The following LAMB3 variants were observed in gnomAD, a reference collection of about 807,000 sequenced individuals.
LAMB3 encodes laminin subunit beta-3.
LAMB3 carries 104 observed loss-of-function variants against 140.3 expected under a neutral mutation model. That is an observed-to-expected ratio of 0.74 (90% confidence interval 0.63 to 0.87). The LOEUF (loss-of-function observed/expected upper bound fraction) is 0.87, where lower values mean the gene tolerates loss of function less well. LAMB3 is among the 40% of genes least tolerant of loss of function. LAMB3 has a pLI of 0.00. For synonymous variants in LAMB3, 592 were observed against 602.9 expected (o/e 0.98, Z 0.26); for missense variants, 1,531 against 1,575.2 (o/e 0.97, Z 0.47).
chr1:209,616,474 T>C lies in LAMB3; in HGVS notation c.3379A>G (p.Lys1127Glu), dbSNP rs2102403255. ...TGCCCCTAAACCATTCCCTCACCTTTCATCCTGTCCATCATCTCCATGGTC... is the reference window on the plus strand; with the variant it reads ...TGCCCCTAAACCATTCCCTCACCTTCCATCCTGTCCATCATCTCCATGGTC... Reference protein sequence around the residue: ...GETMEMMDRMKDMELELLRGS... With the variant: ...GETMEMMDRMEDMELELLRGS... The change falls in exon 22 of 23, where the codon AAA becomes GAA. Residue 1127 changes from lysine (K) to glutamate (E), a missense_variant. Transcript: ENST00000356082. 1 of 1,614,126 alleles carries C rather than the reference T, an allele frequency of 6.2e-7. No individual in the cohort carries two copies. Among genetic ancestry groups the C allele is most frequent in the East Asian group, 2.2e-5 (1 of 44,878 alleles).
rs1173220468 is a variant in LAMB3, at chr1:209,623,835, C to G, written c.2137+5G>C. On this transcript the variant is annotated splice_donor_5th_base_variant and intron_variant, in intron 15 of 22. Coordinates refer to ENST00000356082, the MANE Select transcript of LAMB3 (RefSeq NM_000228.3). This position sits in a 1 kb window ranked among gnomAD's most constrained non-coding sequence, Gnocchi z 4.2. ...CCGGGGTTATCCGGGTGCCCCTCTC[C>G]TCACCTGAAGGATCAGCACTGCTTA... is the stretch of plus-strand genomic sequence containing the variant. 2 of 1,614,090 alleles carry G rather than the reference C, an allele frequency of 1.2e-6. No homozygotes were observed. The highest frequency in any genetic ancestry group is 3.3e-5 in the Admixed American group (2 of 60,008).
chr1:209,617,195 A>G (rs1282259194), intron 21 of LAMB3, among the ~76,000 whole-genome samples: 6 of 152,228 alleles, frequency 3.9e-5, no homozygotes, highest in African/African-American at 1.4e-4. Flanking sequence ...GGACTGGACT[A>G]GGTCATCTCC....
At position 209,650,074 on chromosome 1, in the gene LAMB3, C is replaced by T. The variant is rs1451743138; in HGVS notation, c.73G>A (p.Ala25Thr). ...AGGTCCCCAACAGGTGGATAGCAGG[C>T]CCCACGGGAGCAGGCTTGTTGGGCA... The part of the protein sequence containing the change: ...LHAQQACSRG[A>T]CYPPVGDLLV... Residue 25 changes from alanine to threonine, a missense_variant, in exon 3 of 23, where the codon GCC becomes ACC. Ala to Thr is a moderately conservative substitution (Grantham distance 58). Transcript: ENST00000356082. 2.5e-6 allele frequency: 4 copies of T among 1,613,986 alleles called. No homozygotes were observed. The East Asian group carries it at 8.9e-5, about 36-fold the overall frequency.
chr1:209,646,640 C>T (rs368434763), intron 3 of LAMB3, among the ~76,000 whole-genome samples: 23 of 152,288 alleles, frequency 1.5e-4, no homozygotes, highest in African/African-American at 4.1e-4. Flanking sequence ...TAGTGAGGTA[C>T]GCGAACGCAT....
chr1:209,633,390 GT>G (rs1220336463), intron 6 of LAMB3, among the ~76,000 whole-genome samples: 3 of 152,042 alleles, frequency 2.0e-5, no homozygotes, highest in African/African-American at 4.8e-5. Flanking sequence ...AATTTTCTGA[GT>G]TCCCTGGGTC....
At chr1:209,646,195 A>G (rs2076516471) in intron 3 of LAMB3, among the ~76,000 whole-genome samples, 1 of 152,170 alleles carries the variant, frequency 6.6e-6, no homozygotes, top group African/African-American at 2.4e-5. Context: ...CAGGGATGGA[A>G]AGCTTTCCGG....
intron 17 of LAMB3, 121 bp downstream of exon 17, chr1:209,622,861 C>T: frequency 1.5e-6 from 2 of 1,368,350 alleles, no homozygotes; most frequent in South Asian, 1.2e-5. Context: ...TGCTGTGGCA[C>T]CTTAAGCAGG....
intron 8 of LAMB3, among the ~76,000 whole-genome samples, chr1:209,632,169 C>T (rs1251520618): frequency 3.9e-5 from 6 of 152,174 alleles, no homozygotes; most frequent in African/African-American, 1.4e-4. Flanking sequence ...CTTTAAAATC[C>T]CCAAACCAGT....
chr1:209,615,137 C>T lies in LAMB3; in HGVS notation c.*134G>A, dbSNP rs1665903999. On this transcript the variant is annotated 3_prime_UTR_variant, in exon 23 of 23. Transcript: ENST00000356082. The stretch of plus-strand genomic sequence containing the variant: ...GCTCAGGGTAATCTTACTAGCTACA[C>T]ACCAGGGGTGGTCCAGGCTGTACTT... 4 of 1,108,192 alleles carry T rather than the reference C, an allele frequency of 3.6e-6. No homozygotes were observed. The East Asian group carries it at 7.3e-5, about 20-fold the overall frequency. The allele number at this position is 1,108,192 out of a possible 1,614,324, so 68.6% of individuals were successfully genotyped here.
intron 7 of LAMB3, 35 bp downstream of exon 7, chr1:209,633,035 A>G (rs758051828): frequency 3.4e-6 from 5 of 1,492,480 alleles, no homozygotes; most frequent in South Asian, 1.1e-5. Flanking sequence ...TTTCCCACCC[A>G]TAGTTCCATG....
intron 21 of LAMB3, 74 bp downstream of exon 21, chr1:209,617,336 T>G: frequency 6.8e-7 from 1 of 1,472,052 alleles, no homozygotes; most frequent in Admixed American, 1.7e-5. Context: ...TCTTATAAAG[T>G]GTGCAAAGTC....
At chr1:209,619,203 C>T (rs569950663) in intron 18 of LAMB3, among the ~76,000 whole-genome samples, 1 of 152,330 alleles carries the variant, frequency 6.6e-6, no homozygotes, top group South Asian at 2.1e-4. Flanking sequence ...CAACCTCCAC[C>T]CTGGACTGTA....
rs551249114 is a variant in LAMB3, at chr1:209,631,189, T to C, written c.823-454A>G. On this transcript the variant is annotated intron_variant, in intron 8 of 22. Transcript: ENST00000356082. Reference sequence around the variant, plus strand: ...AACTGTCACTAGACTCATTAAGGTATAAAAATAGAATAGCTGTTGCGTGCT... The same window carrying C: ...AACTGTCACTAGACTCATTAAGGTACAAAAATAGAATAGCTGTTGCGTGCT... Among the ~76,000 whole-genome samples, 6 of 152,322 alleles carry C rather than the reference T, an allele frequency of 3.9e-5. No homozygotes were observed. In the South Asian group the frequency reaches 1.0e-3, roughly 26 times the overall value.
Position 209,651,076 on chromosome 1 carries a change from A to G in LAMB3, c.-37-95T>C, listed in dbSNP as rs537499281. On this transcript the variant is annotated intron_variant, in intron 1 of 22. Transcript: ENST00000356082. ...CTGTTTCTAGACTCAAGTATTTTTC[A>G]GAAGTCTTTACCTAGGGTCCTGATC... 199 of 858,510 alleles carry G rather than the reference A, an allele frequency of 2.3e-4. 1 individual carries two copies. The highest frequency in any genetic ancestry group is 6.5e-4 in the Middle Eastern group (3 of 4,600). The allele number at this position is 858,510 out of a possible 1,614,324, so 53.2% of individuals were successfully genotyped here. A position where few individuals can be genotyped will look rare whatever the true frequency, so the allele number is the denominator to read the frequency against.
At chr1:209,624,082 T>C (rs145246917) in intron 14 of LAMB3, 82 bp from the exon 15 acceptor site, 1 of 1,257,370 alleles carries the variant, frequency 8.0e-7, no homozygotes, top group African/African-American at 1.5e-5. Context: ...GAGCAACTGC[T>C]ACTGAGTCAG....
intron 9 of LAMB3, 61 bp downstream of exon 9, chr1:209,630,554 G>C: frequency 1.3e-6 from 2 of 1,597,412 alleles, no homozygotes; most frequent in East Asian, 4.5e-5. Flanking sequence ...GATCATCAAG[G>C]CCTAGAGGGG....
Position 209,625,738 on chromosome 1 carries a change from C to T in LAMB3, c.1886G>A (p.Ser629Asn), listed in dbSNP as rs1436450941. The change falls in exon 14 of 23, where the codon AGT (serine) becomes AAT (asparagine). Residue 629 changes from serine (S) to asparagine (N), a missense_variant. Coordinates refer to ENST00000356082, the MANE Select transcript of LAMB3 (RefSeq NM_000228.3). ...AACTGCTCGGATCTGCTCAATCTTA[C>T]TCTTTGCATCTAGGATCCGGGAGGC... The part of the protein sequence containing the change: ...GLASRILDAK[S>N]KIEQIRAVLS... 4.3e-6 allele frequency: 7 copies of T among 1,614,070 alleles called. No individual in the cohort carries two copies. Among genetic ancestry groups the T allele is most frequent in the Non-Finnish European group, 5.9e-6 (7 of 1,180,042 alleles).
At chr1:209,636,756 T>C (rs1005778110) in intron 5 of LAMB3, among the ~76,000 whole-genome samples, 3 of 152,178 alleles carry the variant, frequency 2.0e-5, no homozygotes, top group African/African-American at 7.2e-5. Context: ...CCATTACTGG[T>C]CTATGAAAGT....
chr1:209,648,289 C>T (rs1360026584), intron 3 of LAMB3, among the ~76,000 whole-genome samples: 1 of 152,170 alleles, frequency 6.6e-6, no homozygotes, highest in South Asian at 2.1e-4. Context: ...CAGAAAAGGA[C>T]AGCGAGGCTT....
Sources: allele counts gnomAD v4.1 joint callset (sites outside exome capture counted in the v4.1 genomes callset), GRCh38; gene constraint gnomAD v4.1.1; non-coding constraint Gnocchi (gnomAD v3.1); transcripts MANE v1.5; gene names NCBI Gene and HGNC (gene_info 2026-07-23, HGNC 2026-07-21).